KIFC2: variants seen among roughly 807,000 people sequenced by gnomAD.
The protein encoded by KIFC2 is kinesin family member C2, also known as kinesin-like protein KIFC2.
Under a neutral mutation model 91.5 loss-of-function variants are expected in KIFC2, and 94 were observed. That is an observed-to-expected ratio of 1.03 (90% CI 0.87 to 1.22). The LOEUF (loss-of-function observed/expected upper bound fraction) is 1.22, where lower values mean the gene tolerates loss of function less well. Among genes scored for constraint, KIFC2 ranks in the 50% most tolerant of loss-of-function variants. The pLI is 0.00. For synonymous variants in KIFC2, 729 were observed against 503.9 expected, an observed-to-expected ratio of 1.45 and a Z score of -5.98; for missense variants, 1,357 against 1,103.3, an observed-to-expected ratio of 1.23 and a Z score of -3.26.
Position 144,473,215 on chromosome 8 carries a change from A to C in KIFC2, c.2202A>C (p.Pro734=). Residue 734 remains proline, a synonymous_variant, in exon 18 of 18, where the codon CCA becomes CCC. Transcript: ENST00000645548. ...GAGTGGGTCAAGTGGAGCTGGGGCC[A>C]GCCCGGCGCCGCAGGGTCCCGCGCT... ...ADRVGQVELG[P]ARRRRVPRSS... The C allele has an allele frequency of 6.3e-7, 1 of 1,591,300 alleles. No homozygotes were observed. The highest frequency in any genetic ancestry group is 8.5e-7 in the Non-Finnish European group (1 of 1,170,036).
At chr8:144,471,892 A>T in intron 12 of KIFC2, 50 bp from the exon 13 acceptor site, 2 of 1,558,524 alleles carry the variant, frequency 1.3e-6, no homozygotes, top group African/African-American at 2.7e-5. Context: ...AATAGGGCAT[A>T]AACAGGCAAC....
chr8:144,467,938 G>C lies in KIFC2; in HGVS notation c.761G>C (p.Arg254Pro). The C allele has an allele frequency of 1.2e-6, 2 of 1,607,192 alleles. No individual in the cohort carries two copies. The highest frequency in any genetic ancestry group is 1.7e-6 in the Non-Finnish European group (2 of 1,177,818). The change falls in exon 7 of 18, where the codon CGG becomes CCG. Residue 254 changes from arginine to proline, a missense_variant. Physicochemically the swap from Arg to Pro is moderately radical, Grantham distance 103. Coordinates refer to ENST00000645548, the MANE Select transcript of KIFC2 (RefSeq NM_001369769.2). ...EALKQSLSLM[R>P]DLLLHWGPGP... The stretch of plus-strand genomic sequence containing the variant: ...CTGAAGCAGAGCCTGAGTCTCATGC[G>C]GGACCTCCTGCTGCACTGGGGCCCC...
Position 144,473,391 on chromosome 8 carries a change from C to T in KIFC2, c.*2C>T, listed in dbSNP as rs747908403. 2.8e-5 allele frequency: 44 copies of T among 1,576,312 alleles called. No individual in the cohort carries two copies. Among genetic ancestry groups the T allele is most frequent in the African/African-American group, 8.1e-5 (6 of 74,228 alleles). On this transcript the variant is annotated 3_prime_UTR_variant, in exon 18 of 18. Transcript: ENST00000645548. ...CCCGCAGAGGGCCTGCCCCTCTAGTCCTGGGTCGCGGCCCTGCCCATGGGG... is the reference window on the plus strand; with the variant it reads ...CCCGCAGAGGGCCTGCCCCTCTAGTTCTGGGTCGCGGCCCTGCCCATGGGG...
At position 144,469,385 on chromosome 8, in the gene KIFC2, A is replaced by T. The variant is rs753409613; in HGVS notation, c.1222+6A>T. The T allele has an allele frequency of 6.2e-7, 1 of 1,611,848 alleles. No homozygotes were observed. Among genetic ancestry groups the T allele is most frequent in the Non-Finnish European group, 8.5e-7 (1 of 1,179,346 alleles). On this transcript the variant is annotated splice_donor_region_variant and intron_variant, in intron 11 of 17. Coordinates refer to ENST00000645548, the MANE Select transcript of KIFC2 (RefSeq NM_001369769.2). ...GCGGCTGCCAGAACTCAAGGGTATGACAGGCTTGGGAGCCTAGCGGGGCAG... is the reference window on the plus strand; with the variant it reads ...GCGGCTGCCAGAACTCAAGGGTATGTCAGGCTTGGGAGCCTAGCGGGGCAG...
Position 144,472,929 on chromosome 8 carries a change from C to G in KIFC2, c.1996C>G (p.Leu666Val). ...AQTINRSLLALGGVMAALRAH... is the reference protein window; with the variant it reads ...AQTINRSLLAVGGVMAALRAH... Reference sequence around the variant, plus strand: ...GACCATAAACCGCTCGCTGCTGGCGCTAGGAGGCGTGATGGCCGCACTGCG... The same window carrying G: ...GACCATAAACCGCTCGCTGCTGGCGGTAGGAGGCGTGATGGCCGCACTGCG... The change falls in exon 17 of 18, where the codon CTA (leucine) becomes GTA (valine). Residue 666 changes from leucine to valine, a missense_variant. Leu to Val is a conservative substitution (Grantham distance 32). Coordinates refer to ENST00000645548, the MANE Select transcript of KIFC2 (RefSeq NM_001369769.2). The G allele has an allele frequency of 2.0e-6, 3 of 1,489,146 alleles. No homozygotes were observed. The highest frequency in any genetic ancestry group is 2.7e-6 in the Non-Finnish European group (3 of 1,130,880). The allele number at this position is 1,489,146 out of a possible 1,614,324, so 92.2% of individuals were successfully genotyped here. A position where few individuals can be genotyped will look rare whatever the true frequency, so the allele number is the denominator to read the frequency against.
In KIFC2 at chr8:144,467,610, G is replaced by A; in HGVS notation, c.595G>A (p.Glu199Lys). The stretch of plus-strand genomic sequence containing the variant: ...GGATCAGAGGGCGTGGCAGCGGCTG[G>A]AGCAGCTCATCCTGGGACAGGTGAG... Reference protein sequence around the residue: ...EEDQRAWQRLEQLILGQLEEL... With the variant: ...EEDQRAWQRLKQLILGQLEEL... Residue 199 changes from glutamate to lysine, a missense_variant, in exon 5 of 18, where the codon GAG becomes AAG. Coordinates refer to ENST00000645548, the MANE Select transcript of KIFC2 (RefSeq NM_001369769.2). 2 of 1,597,264 alleles carry A rather than the reference G, an allele frequency of 1.3e-6. No individual in the cohort carries two copies. Among genetic ancestry groups the A allele is most frequent in the Non-Finnish European group, 1.7e-6 (2 of 1,171,192 alleles).
chr8:144,466,924 C>T (rs1051043023), intron 2 of KIFC2, 35 bp from the exon 3 acceptor site: 5 of 1,575,740 alleles, frequency 3.2e-6, no homozygotes, highest in Non-Finnish European at 4.3e-6. Flanking sequence ...AGCACGTGAC[C>T]CGAAATGTCT....
At chr8:144,469,411 G>A in intron 11 of KIFC2, 32 bp downstream of exon 11, 1 of 1,612,152 alleles carries the variant, frequency 6.2e-7, no homozygotes, top group Non-Finnish European at 8.5e-7. Context: ...AGCGGGGCAG[G>A]GAGGGCGGCT....
At chr8:144,470,021 C>T (rs1447242491) in intron 12 of KIFC2, among the ~76,000 whole-genome samples, 2 of 152,272 alleles carry the variant, frequency 1.3e-5, no homozygotes, top group Non-Finnish European at 2.9e-5. Context: ...TCTCCTTCCC[C>T]ACCCTTTTCC....
At chr8:144,471,032 C>T (rs994216452) in intron 12 of KIFC2, among the ~76,000 whole-genome samples, 1 of 151,696 alleles carries the variant, frequency 6.6e-6, no homozygotes, top group African/African-American at 2.4e-5. Context: ...GGTGTGATCT[C>T]GGCTCACTGC....
intron 14 of KIFC2, 41 bp from the exon 15 acceptor site, chr8:144,472,320 C>T (rs1824959199): frequency 6.2e-7 from 1 of 1,613,470 alleles, no homozygotes; most frequent in Non-Finnish European, 8.5e-7. Context: ...TTCCGGATTT[C>T]CAGAGAATTC....
chr8:144,471,637 G>A (rs916556516), intron 12 of KIFC2, among the ~76,000 whole-genome samples: 1 of 151,978 alleles, frequency 6.6e-6, no homozygotes, highest in East Asian at 1.9e-4. Flanking sequence ...CCACACCTGC[G>A]CTCTTAACTG....
At position 144,467,546 on chromosome 8, in the gene KIFC2, G is replaced by T; in HGVS notation, c.531G>T (p.Gly177=). 6.2e-7 allele frequency: 1 copy of T among 1,604,770 alleles called. No homozygotes were observed. Among genetic ancestry groups the T allele is most frequent in the Non-Finnish European group, 8.5e-7 (1 of 1,176,138 alleles). Reference sequence around the variant, plus strand: ...CCGCAGTCCCAGGCGAGCCACTGGGGGATGAGACCCAGGGACAGCAGCCCC... The same window carrying T: ...CCGCAGTCCCAGGCGAGCCACTGGGTGATGAGACCCAGGGACAGCAGCCCC... ...HFTAVPGEPL[G]DETQGQQPLQ... is the part of the protein sequence containing the mutation. Residue 177 remains glycine, a synonymous_variant, in exon 5 of 18, where the codon GGG becomes GGT. Transcript: ENST00000645548.
At position 144,473,334 on chromosome 8, in the gene KIFC2, G is replaced by T. The variant is rs1366884454; in HGVS notation, c.2321G>T (p.Ser774Ile). Residue 774 changes from serine to isoleucine, a missense_variant, in exon 18 of 18, where the codon AGT (serine) becomes ATT (isoleucine). Ser to Ile is a moderately radical substitution (Grantham distance 142). Transcript: ENST00000645548. ...TPSPGSPPCPSPDNGSGSALA... is the reference protein window; with the variant it reads ...TPSPGSPPCPIPDNGSGSALA... ...TCCCCTGGCAGTCCTCCATGCCCCA[G>T]TCCCGACAACGGCTCGGGCTCGGCT... 1 of 1,599,326 alleles carries T rather than the reference G, an allele frequency of 6.3e-7. No homozygotes were observed. Among genetic ancestry groups the T allele is most frequent in the East Asian group, 2.3e-5 (1 of 44,128 alleles).
chr8:144,468,054 C>T (rs1824757410), intron 7 of KIFC2, 67 bp downstream of exon 7: 12 of 1,469,422 alleles, frequency 8.2e-6, no homozygotes, highest in Non-Finnish European at 9.9e-6. Context: ...CATGCAGCCA[C>T]AGGGCCCGAG....
chr8:144,467,149 G>A lies in KIFC2; in HGVS notation c.330+39G>A, dbSNP rs760720082. 5.0e-6 allele frequency: 8 copies of A among 1,612,116 alleles called. No individual in the cohort carries two copies. The East Asian group carries it at 8.9e-5, about 18-fold the overall frequency. ...AGGGGGCTGCTGGCAGGTACCACCTGCCCCGGCCTTCCTGGCTTTCACAGC... is the reference window on the plus strand; with the variant it reads ...AGGGGGCTGCTGGCAGGTACCACCTACCCCGGCCTTCCTGGCTTTCACAGC... On this transcript the variant is annotated intron_variant, in intron 3 of 17. Coordinates refer to ENST00000645548, the MANE Select transcript of KIFC2 (RefSeq NM_001369769.2).
rs193131687 is a variant in KIFC2 at position 144,468,842 on chromosome 8, C to T, written c.1113+8C>T. ...AGTGAGGCCCGGGGCCAGGTCAGGA[C>T]CCCTCCCCGCCTAGCCCCTCCTCTC... On this transcript the variant is annotated splice_region_variant and intron_variant, in intron 10 of 17. Coordinates refer to ENST00000645548, the MANE Select transcript of KIFC2 (RefSeq NM_001369769.2). 297 of 1,604,426 alleles carry T rather than the reference C, an allele frequency of 1.9e-4. 2 individuals are homozygous for T. The East Asian group carries it at 5.9e-3, about 32-fold the overall frequency.
Position 144,467,356 on chromosome 8 carries a change from G to A in KIFC2, c.469+15G>A, listed in dbSNP as rs1586718729. 5.0e-6 allele frequency: 8 copies of A among 1,584,360 alleles called. No homozygotes were observed. Among genetic ancestry groups the A allele is most frequent in the Non-Finnish European group, 6.0e-6 (7 of 1,166,640 alleles). On this transcript the variant is annotated intron_variant, in intron 4 of 17. Transcript: ENST00000645548. ...CTCTCCAGATGGTGAGTAAAGGACA[G>A]TAAGTTGAAGAAGAACTCTGGAGGG...
Position 144,466,667 on chromosome 8 carries a change from C to T in KIFC2, c.100-93C>T, listed in dbSNP as rs528925978. 1.4e-5 allele frequency: 16 copies of T among 1,151,718 alleles called. No homozygotes were observed. In the East Asian group the frequency reaches 2.8e-4, roughly 20 times the overall value. 71.3% of individuals were successfully genotyped at this position (1,151,718 alleles called of 1,614,324 possible). On this transcript the variant is annotated intron_variant, in intron 1 of 17. Transcript: ENST00000645548. ...TCGGCCCCGATGCTGGAAGCGTAGACTTCGGCCCCAATCCTCCGGCCCGGT... is the reference window on the plus strand; with the variant it reads ...TCGGCCCCGATGCTGGAAGCGTAGATTTCGGCCCCAATCCTCCGGCCCGGT...
Sources: allele counts gnomAD v4.1 joint callset (sites outside exome capture counted in the v4.1 genomes callset), GRCh38; gene constraint gnomAD v4.1.1; transcripts MANE v1.5; gene names NCBI Gene and HGNC (gene_info 2026-07-23, HGNC 2026-07-21).